SLAIN1: variants seen among roughly 807,000 people sequenced by gnomAD.
The protein encoded by SLAIN1 is SLAIN family member 1, also known as SLAIN motif-containing protein 1.
A neutral mutation model predicts 55.4 loss-of-function variants in SLAIN1; 17 were observed. That is an observed-to-expected ratio of 0.31 (90% CI 0.21 to 0.46). The LOEUF (loss-of-function observed/expected upper bound fraction) is 0.46. Ranked by LOEUF, SLAIN1 falls within the 20% of genes least tolerant of loss-of-function variation. The pLI is 1.00. For missense variants in SLAIN1, 682 were observed against 785.1 expected (o/e 0.87, Z 1.57); for synonymous variants, 348 against 337.4 (o/e 1.03, Z -0.35).
chr13:77,755,163 A>G (rs1251882441), intron 5 of SLAIN1, among the ~76,000 whole-genome samples: 3 of 152,148 alleles, frequency 2.0e-5, no homozygotes, highest in Admixed American at 2.0e-4. Context: ...TACAAAAAAT[A>G]CAAAAATTAG....
chr13:77,709,497 A>G (rs1045603556), intron 1 of SLAIN1, among the ~76,000 whole-genome samples: 1 of 152,232 alleles, frequency 6.6e-6, no homozygotes. Context: ...AATAAAGTTA[A>G]GAGCAGCCAA....
chr13:77,762,691 C>T (rs1453733199), intron 6 of SLAIN1, among the ~76,000 whole-genome samples: 1 of 152,204 alleles, frequency 6.6e-6, no homozygotes, highest in Non-Finnish European at 1.5e-5. Flanking sequence ...TGAGCCACTG[C>T]ACTCAGCCAA....
intron 4 of SLAIN1, among the ~76,000 whole-genome samples, chr13:77,748,844 G>T (rs1451845418): frequency 2.6e-5 from 4 of 152,138 alleles, no homozygotes; most frequent in Non-Finnish European, 4.4e-5. Context: ...ATGTGGACAA[G>T]ATGATATCTG....
At chr13:77,763,071 G>A in intron 6 of SLAIN1, 74 bp from the exon 7 acceptor site, 1 of 1,239,022 alleles carries the variant, frequency 8.1e-7, no homozygotes, top group Non-Finnish European at 1.2e-6. Context: ...AGATGGGAGA[G>A]TAGGTCAAAG....
chr13:77,755,295 G>A (rs1874518177), intron 5 of SLAIN1, among the ~76,000 whole-genome samples: 1 of 151,836 alleles, frequency 6.6e-6, no homozygotes, highest in African/African-American at 2.4e-5. Flanking sequence ...CTCCAGCCTG[G>A]GCAATAGATA....
intron 1 of SLAIN1, among the ~76,000 whole-genome samples, chr13:77,704,057 A>G (rs55941336): frequency 3.1e-5 from 2 of 63,562 alleles, no homozygotes; most frequent in East Asian, 4.3e-4. Flanking sequence ...TTTTATATGT[A>G]TATATATACA....
At chr13:77,747,450 G>A (rs1873917234) in intron 4 of SLAIN1, among the ~76,000 whole-genome samples, 1 of 152,142 alleles carries the variant, frequency 6.6e-6, no homozygotes, top group Non-Finnish European at 1.5e-5. Context: ...CTGCATTGTT[G>A]CTGGTGCCTG....
intron 1 of SLAIN1, among the ~76,000 whole-genome samples, chr13:77,703,515 CGT>C (rs1456518266): frequency 6.6e-6 from 1 of 152,002 alleles, no homozygotes; most frequent in African/African-American, 2.4e-5. Context: ...AAGTGTATGA[CGT>C]GTGTTTGAAA....
chr13:77,729,903 G>C (rs1461897039), intron 2 of SLAIN1, among the ~76,000 whole-genome samples: 2 of 150,412 alleles, frequency 1.3e-5, no homozygotes, highest in African/African-American at 4.9e-5. Flanking sequence ...CAGTAACTCT[G>C]TGTGTGTGTG....
At chr13:77,724,898 G>A (rs758496315) in intron 2 of SLAIN1, among the ~76,000 whole-genome samples, 8 of 151,994 alleles carry the variant, frequency 5.3e-5, no homozygotes, top group Non-Finnish European at 7.4e-5. Flanking sequence ...TGGGCAGTCC[G>A]CATTTTTGAG....
rs762046528 is a variant in SLAIN1, at chr13:77,698,547, C to T, written c.626+8C>T. ...CGAGGACGACTACACCTGGTACTGC[C>T]TGGCTCCGCTCCTTCCCCGAGACCC... On this transcript the variant is annotated splice_region_variant and intron_variant, in intron 1 of 6. Transcript: ENST00000418532. This position sits in a 1 kb window ranked among gnomAD's most constrained non-coding sequence, Gnocchi z 4.1. The T allele has an allele frequency of 5.5e-5, 78 of 1,422,804 alleles. No individual in the cohort carries two copies. Among genetic ancestry groups the T allele is most frequent in the Non-Finnish European group, 6.9e-5 (76 of 1,099,116 alleles). The allele number at this position is 1,422,804 out of a possible 1,614,324, so 88.1% of individuals were successfully genotyped here. A position where few individuals can be genotyped will look rare whatever the true frequency, so the allele number is the denominator to read the frequency against.
At chr13:77,739,400 G>C (rs1207732200) in intron 2 of SLAIN1, among the ~76,000 whole-genome samples, 1 of 152,030 alleles carries the variant, frequency 6.6e-6, no homozygotes, top group Non-Finnish European at 1.5e-5. Context: ...TGTGTTCCAA[G>C]TCTTATATTA....
intron 4 of SLAIN1, among the ~76,000 whole-genome samples, chr13:77,752,575 G>T (rs1308422109): frequency 1.3e-5 from 2 of 152,100 alleles, no homozygotes; most frequent in Admixed American, 1.3e-4. Context: ...CGATCACAAG[G>T]TGAGGTCCCA....
chr13:77,720,221 T>G (rs1013334471), intron 2 of SLAIN1, among the ~76,000 whole-genome samples: 1 of 152,066 alleles, frequency 6.6e-6, no homozygotes, highest in Non-Finnish European at 1.5e-5. Flanking sequence ...AATGAATGAG[T>G]GGTACTCAGT....
intron 5 of SLAIN1, among the ~76,000 whole-genome samples, chr13:77,757,168 C>T (rs1874665806): frequency 6.6e-6 from 1 of 152,066 alleles, no homozygotes. Context: ...TCTGTATCTT[C>T]CTAGTTTCCC....
At chr13:77,754,325 C>G (rs1413461660) in intron 5 of SLAIN1, among the ~76,000 whole-genome samples, 7 of 152,176 alleles carry the variant, frequency 4.6e-5, no homozygotes, top group African/African-American at 1.7e-4. Context: ...ATCATTTACT[C>G]TGTACAAGGA....
At chr13:77,761,211 A>G (rs1874996050) in intron 6 of SLAIN1, 101 bp downstream of exon 6, 2 of 1,161,834 alleles carry the variant, frequency 1.7e-6, no homozygotes, top group African/African-American at 1.5e-5. Flanking sequence ...CCTTAGTAAG[A>G]CACTACCCTT....
rs759313965 is a variant in SLAIN1, at chr13:77,757,122, AG to A, written c.1415-3704del. On this transcript the variant is annotated intron_variant, in intron 5 of 6. Coordinates refer to ENST00000418532, the MANE Select transcript of SLAIN1 (RefSeq NM_001242868.2). ...TTTTCAGTTTATAGAAAAATTGAAC[AG>A]GAAGTACAAAGAATTCCCATGTAAT... Among the ~76,000 whole-genome samples the A allele has an allele frequency of 1.5e-3, 231 of 152,318 alleles. 1 individual carries two copies. Among genetic ancestry groups the A allele is most frequent in the Non-Finnish European group, 2.6e-3 (177 of 68,002 alleles).
intron 1 of SLAIN1, among the ~76,000 whole-genome samples, chr13:77,717,582 A>G (rs1594261029): frequency 6.6e-6 from 1 of 151,770 alleles, no homozygotes; most frequent in African/African-American, 2.4e-5. Flanking sequence ...TGACACTTCC[A>G]CCTCCCTTTA....
Sources: gnomAD v4.1 joint callset for allele counts (sites outside exome capture counted in the v4.1 genomes callset) on GRCh38, gnomAD v4.1.1 for gene constraint, Gnocchi (gnomAD v3.1) non-coding constraint, MANE v1.5 for transcripts, NCBI Gene and HGNC (gene_info 2026-07-23, HGNC 2026-07-21) for gene names.